Variants in ZNF215 observed in about 807,000 individuals in gnomAD.
ZNF215 encodes BWSCR2-associated zinc finger protein 2.
ZNF215 carries 24 observed loss-of-function variants against 27.2 expected under a neutral mutation model. The ratio of observed to expected loss-of-function variants is 0.88; its 90% CI spans 0.64 to 1.24. ZNF215 has a LOEUF of 1.24. Ranked by LOEUF, ZNF215 falls within the 50% of genes most tolerant of loss-of-function variation. The probability of loss-of-function intolerance (pLI) is 0.00; values close to 1 mark genes in which losing one functional copy is unlikely to be tolerated. For synonymous variants in ZNF215, 210 were observed against 204.0 expected (o/e 1.03, Z -0.25); for missense variants, 675 against 605.7 (o/e 1.11, Z -1.20).
At chr11:6,942,548 G>A (rs1849664998) in intron 4 of ZNF215, among the ~76,000 whole-genome samples, 1 of 152,180 alleles carries the variant, frequency 6.6e-6, no homozygotes, top group Non-Finnish European at 1.5e-5. Flanking sequence ...TAACTGATTA[G>A]TAGGGAGGCT....
chr11:6,970,131 A>G (rs182133200), intron 5 of ZNF215, among the ~76,000 whole-genome samples: 171 of 152,298 alleles, frequency 1.1e-3, no homozygotes, highest in Non-Finnish European at 5.3e-4. Context: ...TATTCTTGTT[A>G]AAACAATTAA....
intron 5 of ZNF215, among the ~76,000 whole-genome samples, chr11:6,983,452 G>T (rs1018192623): frequency 5.9e-5 from 9 of 152,002 alleles, no homozygotes; most frequent in Non-Finnish European, 1.2e-4. Context: ...AGAGACACAA[G>T]CAAAAAAGAG....
rs1342399040 is a variant in ZNF215 at position 6,932,397 on chromosome 11, A to C, written c.125A>C (p.His42Pro). 12 of 1,614,074 alleles carry C rather than the reference A, an allele frequency of 7.4e-6. No homozygotes were observed. The highest frequency in any genetic ancestry group is 6.7e-5 in the East Asian group (3 of 44,898). ...QQETNPVVET[H>P]DSEASRQKFR... Reference sequence around the variant, plus strand: ...GAAACCAACCCCGTCGTGGAGACACATGACTCTGAGGCATCTCGTCAAAAG... The same window carrying C: ...GAAACCAACCCCGTCGTGGAGACACCTGACTCTGAGGCATCTCGTCAAAAG... Residue 42 changes from histidine (H) to proline (P), a missense_variant, in exon 3 of 7, where the codon CAT (histidine) becomes CCT (proline). Transcript: ENST00000278319.
chr11:6,956,085 C>CA lies in ZNF215; in HGVS notation c.1114dup (p.Ser372LysfsTer9), dbSNP rs769655515. On this transcript the variant is annotated frameshift_variant, in exon 7 of 7. Coordinates refer to ENST00000278319, the MANE Select transcript of ZNF215 (RefSeq NM_013250.4). LOFTEE classifies it low-confidence loss of function (END_TRUNC). Reference sequence around the variant, plus strand: ...GAGTTTGAGTACAGATATTCGACACCAAAAAAGTCATACTACAATGAATTC... The same window carrying CA: ...GAGTTTGAGTACAGATATTCGACACCAAAAAAAGTCATACTACAATGAATTC... 5.0e-6 allele frequency: 8 copies of CA among 1,611,664 alleles called. No individual in the cohort carries two copies. Among genetic ancestry groups the CA allele is most frequent in the Non-Finnish European group, 6.8e-6 (8 of 1,179,396 alleles).
At chr11:6,968,525 C>CTT (rs74781650) in intron 5 of ZNF215, among the ~76,000 whole-genome samples, 239 of 137,860 alleles carry the variant, frequency 1.7e-3, no homozygotes, top group African/African-American at 5.0e-3. Flanking sequence ...TATATGGAGC[C>CTT]TTTTTTTTTT....
intron 6 of ZNF215, among the ~76,000 whole-genome samples, chr11:6,951,402 A>G (rs118053877): frequency 0.061 from 9,224 of 152,238 alleles, 348 homozygotes; most frequent in East Asian, 0.15. Context: ...TTGTTGCCAT[A>G]ATTTCAGAGC....
At chr11:6,960,117 A>G (rs1850484786), downstream of ZNF215, among the ~76,000 whole-genome samples, 1 of 152,184 alleles carries the variant, frequency 6.6e-6, no homozygotes, top group Admixed American at 6.5e-5. Flanking sequence ...TAAAAAACTT[A>G]AAGATCACAT....
intron 3 of ZNF215, among the ~76,000 whole-genome samples, chr11:6,938,720 C>T (rs1276810593): frequency 6.6e-6 from 1 of 151,870 alleles, no homozygotes; most frequent in East Asian, 1.9e-4. Flanking sequence ...TTCGTAGAGA[C>T]AGTATAAGGA....
chr11:6,987,935 A>G (rs1851077654), downstream of ZNF215, among the ~76,000 whole-genome samples: 1 of 152,258 alleles, frequency 6.6e-6, no homozygotes, highest in East Asian at 1.9e-4. Context: ...GGAACAAAAA[A>G]AGAAAGAAAA....
At chr11:6,971,859 G>A (rs142385296) in intron 5 of ZNF215, among the ~76,000 whole-genome samples, 2 of 152,258 alleles carry the variant, frequency 1.3e-5, no homozygotes, top group African/African-American at 2.4e-5. Flanking sequence ...GTGTTTTTGA[G>A]TACATAAAGC....
intron 5 of ZNF215, among the ~76,000 whole-genome samples, chr11:6,968,230 C>T (rs1850660699): frequency 6.6e-6 from 1 of 152,140 alleles, no homozygotes; most frequent in Non-Finnish European, 1.5e-5. Flanking sequence ...ATGCCTCCAG[C>T]TTTGTTCTTT....
downstream of ZNF215, chr11:6,958,070 C>T (rs1471357090): frequency 4.0e-5 from 39 of 984,666 alleles, no homozygotes; most frequent in Non-Finnish European, 4.7e-5. Flanking sequence ...CTTTATATTG[C>T]AACACAAGTT....
chr11:6,968,186 A>T (rs1367582083), intron 5 of ZNF215, among the ~76,000 whole-genome samples: 1 of 152,126 alleles, frequency 6.6e-6, no homozygotes, highest in Non-Finnish European at 1.5e-5. Flanking sequence ...TGATTACTGT[A>T]GCCTTGTAGT....
intron 2 of ZNF215, among the ~76,000 whole-genome samples, chr11:6,929,673 G>A (rs551108942): frequency 1.3e-5 from 2 of 152,102 alleles, no homozygotes; most frequent in Non-Finnish European, 2.9e-5. Context: ...ACATTGTCTC[G>A]AGGCTACATA....
chr11:6,939,494 G>A (rs1849561096), intron 3 of ZNF215, among the ~76,000 whole-genome samples: 1 of 152,142 alleles, frequency 6.6e-6, no homozygotes, highest in Non-Finnish European at 1.5e-5. Flanking sequence ...AGACTAGTAA[G>A]AAATATTTTT....
intron 5 of ZNF215, among the ~76,000 whole-genome samples, chr11:6,983,531 C>G (rs971792737): frequency 6.6e-6 from 1 of 152,074 alleles, no homozygotes; most frequent in Admixed American, 6.6e-5. Context: ...CAAACCGAAT[C>G]CAGCAGCACA....
downstream of ZNF215, among the ~76,000 whole-genome samples, chr11:6,959,728 T>A (rs1026597963): frequency 2.0e-5 from 3 of 152,160 alleles, no homozygotes; most frequent in African/African-American, 7.2e-5. Flanking sequence ...TGGGGAGGAT[T>A]TATTTCACAA....
chr11:6,929,145 G>A (rs1849166159), intron 2 of ZNF215, among the ~76,000 whole-genome samples: 1 of 152,170 alleles, frequency 6.6e-6, no homozygotes, highest in African/African-American at 2.4e-5. Flanking sequence ...AACCTAGATG[G>A]GATCTTTCAA....
rs941721598 is a variant in ZNF215, at chr11:6,957,008, A to T, written c.*477A>T. ...ATACTTCTAAGGACAGAAATCTCTG[A>T]ATCAATGGCTAAGACAACAGTAACA... On this transcript the variant is annotated 3_prime_UTR_variant, in exon 7 of 7. Coordinates refer to ENST00000278319, the MANE Select transcript of ZNF215 (RefSeq NM_013250.4). 6 of 987,054 alleles carry T rather than the reference A, an allele frequency of 6.1e-6. No individual in the cohort carries two copies. In the East Asian group the frequency reaches 6.8e-4, roughly 112 times the overall value. 61.1% of individuals were successfully genotyped at this position (987,054 alleles called of 1,614,324 possible). A position where few individuals can be genotyped will look rare whatever the true frequency, so the allele number is the denominator to read the frequency against.
Sources: gnomAD v4.1 joint callset for allele counts (sites outside exome capture counted in the v4.1 genomes callset) on GRCh38, gnomAD v4.1.1 for gene constraint, MANE v1.5 for transcripts, NCBI Gene and HGNC (gene_info 2026-07-23, HGNC 2026-07-21) for gene names.